Variants in MANEA observed in about 807,000 individuals in gnomAD.
The protein encoded by MANEA is mannosidase endo-alpha.
MANEA carries 25 observed loss-of-function variants against 36.8 expected under a neutral mutation model. That is an observed-to-expected ratio of 0.68 (90% CI 0.50 to 0.95). The LOEUF (loss-of-function observed/expected upper bound fraction) is 0.95. MANEA is among the 40% of genes least tolerant of loss of function. MANEA has a pLI of 0.00. For synonymous variants in MANEA, 198 were observed against 188.5 expected (o/e 1.05, Z -0.41); for missense variants, 565 against 558.8 (o/e 1.01, Z -0.11).
intron 2 of MANEA, among the ~76,000 whole-genome samples, chr6:95,595,265 C>T (rs953108039): frequency 7.2e-5 from 11 of 152,090 alleles, no homozygotes; most frequent in African/African-American, 2.7e-4. Context: ...ATAAGCTGGG[C>T]TAGTAATCTT....
Position 95,608,750 on chromosome 6 carries a change from C to A in MANEA, c.*2345C>A, listed in dbSNP as rs1450064941. The A allele has an allele frequency of 6.6e-6, 1 of 151,734 alleles. No individual in the cohort carries two copies. The highest frequency in any genetic ancestry group is 1.5e-5 in the Non-Finnish European group (1 of 67,784). The allele number at this position is 151,734 out of a possible 1,614,324, so 9.4% of individuals were successfully genotyped here. ...CCAAAATCTGCAGATGCTCAAGTCCCTGATATAAACTGGCATAGTAGTTGC... is the reference window on the plus strand; with the variant it reads ...CCAAAATCTGCAGATGCTCAAGTCCATGATATAAACTGGCATAGTAGTTGC... On this transcript the variant is annotated 3_prime_UTR_variant, in exon 5 of 5. Transcript: ENST00000358812.
intron 3 of MANEA, among the ~76,000 whole-genome samples, chr6:95,604,206 G>A (rs1190878170): frequency 6.6e-6 from 1 of 151,386 alleles, no homozygotes; most frequent in Non-Finnish European, 1.5e-5. Context: ...AGAAGTTAAT[G>A]TATATTATTT....
intron 3 of MANEA, among the ~76,000 whole-genome samples, chr6:95,603,034 A>G (rs1374275294): frequency 6.6e-6 from 1 of 150,520 alleles, no homozygotes; most frequent in African/African-American, 2.4e-5. Flanking sequence ...CTCAAAAAAA[A>G]AAAAAAAAAA....
In MANEA at chr6:95,607,919, A is replaced by C. The variant is rs932257900; in HGVS notation, c.*1514A>C. The C allele has an allele frequency of 1.3e-5, 2 of 151,792 alleles. No individual in the cohort carries two copies. The highest frequency in any genetic ancestry group is 4.8e-5 in the African/African-American group (2 of 41,420). The allele number at this position is 151,792 out of a possible 1,614,324, so 9.4% of individuals were successfully genotyped here. A position where few individuals can be genotyped will look rare whatever the true frequency, so the allele number is the denominator to read the frequency against. On this transcript the variant is annotated 3_prime_UTR_variant, in exon 5 of 5. Coordinates refer to ENST00000358812, the MANE Select transcript of MANEA (RefSeq NM_024641.4). ...AAATTAGCACTAAATTTTTTATAAA[A>C]TAGACCAGATGACAAAATTTATTTT...
intron 3 of MANEA, among the ~76,000 whole-genome samples, chr6:95,604,061 G>GTGTGTGTGTGTGTGTGT (rs1769656129): frequency 2.2e-5 from 3 of 138,386 alleles, no homozygotes; most frequent in Middle Eastern, 3.8e-3. Context: ...TATGTATGTA[G>GTGTGTGTGTGTGTGTGT]GTGTGTGTGT....
At chr6:95,596,655 C>G in intron 2 of MANEA, 82 bp from the exon 3 acceptor site, 1 of 738,748 alleles carries the variant, frequency 1.4e-6, no homozygotes, top group Non-Finnish European at 2.4e-6. Flanking sequence ...ATTGTTAACT[C>G]TTTGGTACTT....
At chr6:95,581,244 A>G (rs953605494) in intron 1 of MANEA, among the ~76,000 whole-genome samples, 2 of 152,184 alleles carry the variant, frequency 1.3e-5, no homozygotes, top group African/African-American at 4.8e-5. Flanking sequence ...TAATTGAGAC[A>G]TGGAGGTTGA....
intron 4 of MANEA, 100 bp from the exon 5 acceptor site, chr6:95,605,648 C>T (rs1769691594): frequency 1.3e-6 from 1 of 786,664 alleles, no homozygotes; most frequent in East Asian, 2.5e-5. Context: ...GAGCAGTGTG[C>T]TCAAACTGCA....
chr6:95,596,063 A>G lies in MANEA; in HGVS notation c.545-674A>G, dbSNP rs140626366. Among the ~76,000 whole-genome samples, 896 of 152,284 alleles carry G rather than the reference A, an allele frequency of 5.9e-3. 8 individuals are homozygous for G. The highest frequency in any genetic ancestry group is 0.021 in the African/African-American group (864 of 41,564). ...AGGTATGAAGGAACCTAAAAATTCA[A>G]GTTGCTAAATGAATGAAGCCAGTTC... On this transcript the variant is annotated intron_variant, in intron 2 of 4. Coordinates refer to ENST00000358812, the MANE Select transcript of MANEA (RefSeq NM_024641.4).
rs1769776014 is a variant in MANEA at position 95,609,210 on chromosome 6, A to G, written c.*2805A>G. On this transcript the variant is annotated 3_prime_UTR_variant, in exon 5 of 5. Transcript: ENST00000358812. ...GTATAATACATACAATGCATGAATC[A>G]TAATGGATTCTTTTATAAGTTATTA... 1 of 151,774 alleles carries G rather than the reference A, an allele frequency of 6.6e-6. No individual in the cohort carries two copies. The highest frequency in any genetic ancestry group is 1.5e-5 in the Non-Finnish European group (1 of 67,700). The allele number at this position is 151,774 out of a possible 1,614,324, so 9.4% of individuals were successfully genotyped here.
intron 3 of MANEA, among the ~76,000 whole-genome samples, chr6:95,602,638 G>A (rs919996409): frequency 3.9e-5 from 6 of 152,088 alleles, no homozygotes; most frequent in African/African-American, 1.4e-4. Context: ...ATAGAATTCT[G>A]TTATTTTAAA....
At chr6:95,605,714 A>T in intron 4 of MANEA, 34 bp from the exon 5 acceptor site, 1 of 1,459,382 alleles carries the variant, frequency 6.9e-7, no homozygotes, top group East Asian at 2.3e-5. Context: ...AGTTGTGAAT[A>T]TTCATTTCAC....
rs11294845 is a variant in MANEA at position 95,599,416 on chromosome 6, C to CA, written c.654+2586dup. Among the ~76,000 whole-genome samples the CA allele has an allele frequency of 4.1e-3, 550 of 134,162 alleles. 5 individuals are homozygous for CA. Among genetic ancestry groups the CA allele is most frequent in the African/African-American group, 0.012 (425 of 36,618 alleles). The allele number at this position is 134,162 out of a possible 152,430, so 88.0% of individuals were successfully genotyped here. A position where few individuals can be genotyped will look rare whatever the true frequency, so the allele number is the denominator to read the frequency against. On this transcript the variant is annotated intron_variant, in intron 3 of 4. Transcript: ENST00000358812. ...TGGGCGACAGAGTGAGAGTCTATCT[C>CA]AAAAAAAAAAAAAAAAGTGATGTAG...
intron 2 of MANEA, among the ~76,000 whole-genome samples, chr6:95,595,541 C>T (rs1307393900): frequency 2.0e-5 from 3 of 152,078 alleles, no homozygotes; most frequent in African/African-American, 7.2e-5. Flanking sequence ...TAGCACAAAA[C>T]TTAGGTCTTA....
rs1769761517 is a variant in MANEA at position 95,608,642 on chromosome 6, G to GT, written c.*2244dup. ...ATAATTACTAGTTTATATTAATATA[G>GT]TTTTTTTCTCCCTTTTTAATAAAAT... On this transcript the variant is annotated 3_prime_UTR_variant, in exon 5 of 5. Coordinates refer to ENST00000358812, the MANE Select transcript of MANEA (RefSeq NM_024641.4). 1 of 151,688 alleles carries GT rather than the reference G, an allele frequency of 6.6e-6. No homozygotes were observed. Among genetic ancestry groups the GT allele is most frequent in the Non-Finnish European group, 1.5e-5 (1 of 67,730 alleles). The allele number at this position is 151,688 out of a possible 1,614,324, so 9.4% of individuals were successfully genotyped here. A position where few individuals can be genotyped will look rare whatever the true frequency, so the allele number is the denominator to read the frequency against.
chr6:95,582,770 T>A (rs1769206558), intron 1 of MANEA, among the ~76,000 whole-genome samples: 1 of 152,228 alleles, frequency 6.6e-6, no homozygotes, highest in Non-Finnish European at 1.5e-5. Flanking sequence ...TTGCATTGTA[T>A]GTAAGCCATA....
chr6:95,602,976 C>T (rs1017370113), intron 3 of MANEA, among the ~76,000 whole-genome samples: 3 of 138,660 alleles, frequency 2.2e-5, no homozygotes, highest in African/African-American at 5.3e-5. Flanking sequence ...GCCGAGATTG[C>T]GCCACTGCAG....
chr6:95,594,436 C>G (rs989945154), intron 2 of MANEA, among the ~76,000 whole-genome samples: 7 of 152,048 alleles, frequency 4.6e-5, no homozygotes, highest in Admixed American at 4.6e-4. Flanking sequence ...AGGAAAAGGG[C>G]AAAAGTAATG....
At chr6:95,592,274 A>G (rs529852373) in intron 2 of MANEA, among the ~76,000 whole-genome samples, 13 of 152,192 alleles carry the variant, frequency 8.5e-5, no homozygotes, top group African/African-American at 3.1e-4. Context: ...ATTTGTTCTT[A>G]TAGTTCCCAT....
Sources: allele counts gnomAD v4.1 joint callset (sites outside exome capture counted in the v4.1 genomes callset), GRCh38; gene constraint gnomAD v4.1.1; transcripts MANE v1.5; gene names NCBI Gene and HGNC (gene_info 2026-07-23, HGNC 2026-07-21).